The following MED23 variants were observed in gnomAD, a reference collection of about 807,000 sequenced individuals.
MED23 encodes mediator complex subunit 23.
In MED23, 105 loss-of-function variants were observed where a neutral mutation model predicts 163.9. That is an observed-to-expected ratio of 0.64 (90% CI 0.55 to 0.75). The LOEUF is 0.75. Among genes scored for constraint, MED23 ranks in the 30% least tolerant of loss-of-function variants. The pLI, the probability that MED23 is intolerant of heterozygous loss-of-function variation, is 0.00. For synonymous variants in MED23, 561 were observed against 565.6 expected (o/e 0.99, Z 0.12); for missense variants, 1,054 against 1,649.0 (o/e 0.64, Z 6.25).
At chr6:131,618,996 T>C (rs1344094320) in intron 8 of MED23, among the ~76,000 whole-genome samples, 3 of 152,226 alleles carry the variant, frequency 2.0e-5, no homozygotes, top group East Asian at 1.9e-4. Context: ...CTAGAGGCCT[T>C]AGATGTCACA....
chr6:131,601,410 A>C (rs1191363944), intron 17 of MED23, among the ~76,000 whole-genome samples: 20 of 152,240 alleles, frequency 1.3e-4, no homozygotes, highest in Non-Finnish European at 2.1e-4. Context: ...AAGTTACAAA[A>C]CATGCATGGA....
At chr6:131,594,979 C>G (rs953118044) in intron 22 of MED23, among the ~76,000 whole-genome samples, 1 of 152,118 alleles carries the variant, frequency 6.6e-6, no homozygotes, top group Admixed American at 6.5e-5. Context: ...TGTATATTAC[C>G]TAATCCAAAA....
chr6:131,587,532 T>G lies in MED23; in HGVS notation c.*147A>C. ...ATGGGAGTTATAAGGTGTCAACAGA[T>G]TCATCATTTGAATCAAAATAAAACA... On this transcript the variant is annotated 3_prime_UTR_variant, in exon 29 of 29. Transcript: ENST00000368068. The G allele has an allele frequency of 1.3e-6, 2 of 1,501,480 alleles. No individual in the cohort carries two copies. The highest frequency in any genetic ancestry group is 1.8e-6 in the Non-Finnish European group (2 of 1,126,126). The allele number at this position is 1,501,480 out of a possible 1,614,324, so 93.0% of individuals were successfully genotyped here.
chr6:131,588,981 A>G (rs115817012), intron 28 of MED23, among the ~76,000 whole-genome samples: 21 of 152,264 alleles, frequency 1.4e-4, no homozygotes, highest in African/African-American at 5.1e-4. Flanking sequence ...TTTCTTCAGG[A>G]TAAGCATTCC....
At chr6:131,582,620 G>C (rs1064794165), downstream of MED23, 13 of 1,612,280 alleles carry the variant, frequency 8.1e-6, no homozygotes, top group Admixed American at 2.2e-4. Context: ...TGTAATTTTA[G>C]ATTCCCGATG....
intron 3 of MED23, among the ~76,000 whole-genome samples, chr6:131,625,327 C>CA: frequency 6.6e-6 from 1 of 152,264 alleles, no homozygotes; most frequent in South Asian, 2.1e-4. Context: ...CCCTTTATGG[C>CA]ATATATAAAT....
At chr6:131,586,399 CAA>C (rs547558863), downstream of MED23, among the ~76,000 whole-genome samples, 17 of 74,734 alleles carry the variant, frequency 2.3e-4, no homozygotes, top group Non-Finnish European at 1.7e-4. Context: ...GACTCCGTCT[CAA>C]AAAAAAAAAA....
At chr6:131,613,408 A>C (rs1295019910) in intron 10 of MED23, among the ~76,000 whole-genome samples, 1 of 152,194 alleles carries the variant, frequency 6.6e-6, no homozygotes, top group Non-Finnish European at 1.5e-5. Flanking sequence ...GGAAAATGTA[A>C]TATGAACAGC....
chr6:131,596,545 C>A lies in MED23; in HGVS notation c.2751G>T (p.Trp917Cys). The A allele has an allele frequency of 6.2e-7, 1 of 1,614,086 alleles. No individual in the cohort carries two copies. Among genetic ancestry groups the A allele is most frequent in the Non-Finnish European group, 8.5e-7 (1 of 1,179,986 alleles). The stretch of plus-strand genomic sequence containing the variant: ...TGTGATAATTCATGTGCTTGGTGTG[C>A]CAGTCATTCTGTAACCAGTGCTCTG... ...NSPEHWLQND[W>C]HTKHMNYHKK... The change falls in exon 21 of 29, where the codon TGG (tryptophan) becomes TGT (cysteine). Residue 917 changes from tryptophan (W) to cysteine (C), a missense_variant. This residue lies in a region of MED23 where 228 missense variants were observed against 461.3 expected (regional missense o/e 0.49). Transcript: ENST00000368068.
At chr6:131,596,424 CATT>C in intron 21 of MED23, 91 bp downstream of exon 21, 1 of 1,391,430 alleles carries the variant, frequency 7.2e-7, no homozygotes, top group Non-Finnish European at 1.0e-6. Flanking sequence ...AGAGAAAAAA[CATT>C]AGAACCAGAG....
At chr6:131,603,832 G>T (rs781427933) in intron 15 of MED23, among the ~76,000 whole-genome samples, 1 of 152,120 alleles carries the variant, frequency 6.6e-6, no homozygotes, top group Non-Finnish European at 1.5e-5. Context: ...GTATGCACTG[G>T]AGGACAGCAT....
At position 131,627,389 on chromosome 6, in the gene MED23, C is replaced by T. The variant is rs776519695; in HGVS notation, c.159+7G>A. The T allele has an allele frequency of 1.2e-5, 19 of 1,607,926 alleles. No individual in the cohort carries two copies. The highest frequency in any genetic ancestry group is 2.7e-5 in the African/African-American group (2 of 74,124). The stretch of plus-strand genomic sequence containing the variant: ...TCAGCTGAATGTATTAAAAATGAAG[C>T]GCTCACCTGAGAAAGACCACCCCAA... On this transcript the variant is annotated splice_region_variant and intron_variant, in intron 3 of 28. Coordinates refer to ENST00000368068, the MANE Select transcript of MED23 (RefSeq NM_004830.4).
intron 6 of MED23, 73 bp downstream of exon 6, chr6:131,621,808 T>C (rs1307761121): frequency 2.1e-6 from 2 of 938,038 alleles, no homozygotes; most frequent in Non-Finnish European, 3.1e-6. Context: ...CCGTAAGTAT[T>C]AAAAGCACAG....
At chr6:131,603,961 A>C (rs1260453654) in intron 15 of MED23, among the ~76,000 whole-genome samples, 1 of 151,036 alleles carries the variant, frequency 6.6e-6, no homozygotes, top group Non-Finnish European at 1.5e-5. Flanking sequence ...AATGCAACAA[A>C]CCCCCCAACC....
rs1562376040 is a variant in MED23 at position 131,595,969 on chromosome 6, T to C, written c.2973A>G (p.Leu991=). 5.0e-6 allele frequency: 8 copies of C among 1,613,940 alleles called. No homozygotes were observed. Among genetic ancestry groups the C allele is most frequent in the South Asian group, 4.4e-5 (4 of 91,082 alleles). Residue 991 remains leucine (L), a synonymous_variant, in exon 22 of 29, where the codon CTA becomes CTG. Transcript: ENST00000368068. The part of the protein sequence containing the change: ...SKSLETLLDH[L]GGLYKFHDRP... ...CACCATGAAATTTATATAAGCCTCC[T>C]AGATGATCCAGTAGAGTCTCCAGTG...
In MED23 at chr6:131,576,561, T is replaced by C. The variant is rs1773621537; in HGVS notation, c.4096-2266A>G. 6 of 1,145,516 alleles carry C rather than the reference T, an allele frequency of 5.2e-6. No individual in the cohort carries two copies. In the East Asian group the frequency reaches 1.4e-4, roughly 27 times the overall value. 71.0% of individuals were successfully genotyped at this position (1,145,516 alleles called of 1,614,324 possible). On this transcript the variant is annotated intron_variant, in intron 30 of 30. Transcript: ENST00000354577. ...CCTGGCTCTGTAGGAGCTCAAAAAA[T>C]GATAGTTACAGTTCAACTGATTAAA...
chr6:131,586,897 A>T lies in MED23; in HGVS notation c.*782T>A. 3 of 1,453,308 alleles carry T rather than the reference A, an allele frequency of 2.1e-6. No homozygotes were observed. The highest frequency in any genetic ancestry group is 2.8e-6 in the Non-Finnish European group (3 of 1,074,206). The allele number at this position is 1,453,308 out of a possible 1,614,324, so 90.0% of individuals were successfully genotyped here. ...AAATTTAAAAATTTTAAGATTATAAAAATTGAAGAATTACATCATCTGTCA... is the reference window on the plus strand; with the variant it reads ...AAATTTAAAAATTTTAAGATTATAATAATTGAAGAATTACATCATCTGTCA... On this transcript the variant is annotated 3_prime_UTR_variant, in exon 29 of 29. Transcript: ENST00000368068.
chr6:131,583,636 C>G, downstream of MED23: 1 of 1,514,650 alleles, frequency 6.6e-7, no homozygotes, highest in Non-Finnish European at 9.1e-7. Flanking sequence ...TGTTTTCCAT[C>G]GGTTACTACC....
In MED23 at chr6:131,597,733, T is replaced by C. The variant is rs141972741; in HGVS notation, c.2607+554A>G. Among the ~76,000 whole-genome samples, 21 of 152,272 alleles carry C rather than the reference T, an allele frequency of 1.4e-4. No homozygotes were observed. In the East Asian group the frequency reaches 4.1e-3, roughly 29 times the overall value. On this transcript the variant is annotated intron_variant, in intron 20 of 28. Transcript: ENST00000368068. The stretch of plus-strand genomic sequence containing the variant: ...GGACCACATCTATTTTATTTACTTC[T>C]GTACCTTCTATACATAGAACACAGT...
Sources: gnomAD v4.1 joint callset for allele counts (sites outside exome capture counted in the v4.1 genomes callset) on GRCh38, gnomAD v4.1.1 for gene constraint, gnomAD v4.1.1 regional missense constraint, MANE v1.5 for transcripts, NCBI Gene and HGNC (gene_info 2026-07-23, HGNC 2026-07-21) for gene names.